The following DACH1 variants were observed in gnomAD, a reference collection of about 807,000 sequenced individuals.
The protein encoded by DACH1 is dachshund homolog 1.
Under a neutral mutation model 54.2 loss-of-function variants are expected in DACH1, and 12 were observed. The observed-to-expected ratio is 0.22, with a 90% CI of 0.14 to 0.36. The LOEUF (loss-of-function observed/expected upper bound fraction) is 0.36. DACH1 is among the 10% of genes least tolerant of loss of function. The pLI is 1.00. For missense variants in DACH1, 805 were observed against 929.8 expected (o/e 0.87, Z 1.75); for synonymous variants, 386 against 366.2 (o/e 1.05, Z -0.62).
intron 6 of DACH1, among the ~76,000 whole-genome samples, chr13:71,505,807 T>C (rs1880270800): frequency 6.6e-6 from 1 of 152,190 alleles, no homozygotes; most frequent in Non-Finnish European, 1.5e-5. Context: ...TTCTATATTC[T>C]AGTACTTTCC....
intron 6 of DACH1, among the ~76,000 whole-genome samples, chr13:71,520,273 A>C (rs1439020697): frequency 6.6e-6 from 1 of 151,664 alleles, no homozygotes; most frequent in Non-Finnish European, 1.5e-5. Flanking sequence ...AATTAGGTGT[A>C]ATAATGCCAT....
rs1030444904 is a variant in DACH1, at chr13:71,526,960, T to C, written c.1570+30064A>G. Among the ~76,000 whole-genome samples the C allele has an allele frequency of 2.0e-5, 3 of 151,736 alleles. No individual in the cohort carries two copies. In the East Asian group the frequency reaches 5.8e-4, roughly 29 times the overall value. ...GAAAGCTTAAACTTTGTATATTATA[T>C]TCATTTGGAATTATTTCTGTTATTA... On this transcript the variant is annotated intron_variant, in intron 6 of 10. Transcript: ENST00000613252.
chr13:71,455,812 G>T (rs1396776135), intron 10 of DACH1, among the ~76,000 whole-genome samples: 1 of 152,070 alleles, frequency 6.6e-6, no homozygotes, highest in Middle Eastern at 3.2e-3. Context: ...AATTGGCTGA[G>T]ATCTATTTCA....
intron 1 of DACH1, among the ~76,000 whole-genome samples, chr13:71,688,929 A>C (rs940624824): frequency 6.6e-6 from 1 of 152,166 alleles, no homozygotes; most frequent in African/African-American, 2.4e-5. Context: ...GAAGTTTTTA[A>C]TTTTGTTTAC....
chr13:71,673,718 C>A (rs531202305), intron 2 of DACH1, among the ~76,000 whole-genome samples: 14 of 152,066 alleles, frequency 9.2e-5, no homozygotes, highest in Admixed American at 2.0e-4. Flanking sequence ...ATGTAACAAA[C>A]CGGCACGTTC....
At chr13:71,543,469 CTT>C (rs1237940765) in intron 6 of DACH1, among the ~76,000 whole-genome samples, 1 of 151,976 alleles carries the variant, frequency 6.6e-6, no homozygotes, top group East Asian at 1.9e-4. Context: ...TCAAAAAACT[CTT>C]GATTCGCATA....
chr13:71,584,544 A>G (rs572697263), intron 3 of DACH1, among the ~76,000 whole-genome samples: 1 of 152,210 alleles, frequency 6.6e-6, no homozygotes, highest in East Asian at 1.9e-4. Flanking sequence ...AATCTAATTA[A>G]CTCACAAAAG....
chr13:71,578,519 G>C (rs907900608), intron 3 of DACH1, among the ~76,000 whole-genome samples: 1 of 152,104 alleles, frequency 6.6e-6, no homozygotes, highest in African/African-American at 2.4e-5. Flanking sequence ...CTACTATTTT[G>C]CATGAGTTGC....
intron 1 of DACH1, among the ~76,000 whole-genome samples, chr13:71,748,862 CT>C (rs1182815245): frequency 2.9e-3 from 68 of 23,082 alleles, no homozygotes; most frequent in African/African-American, 5.7e-3. Flanking sequence ...TTCTTTCTTT[CT>C]TTCTTTCTTT....
chr13:71,643,702 C>A (rs575966840), intron 2 of DACH1, among the ~76,000 whole-genome samples: 1 of 152,252 alleles, frequency 6.6e-6, no homozygotes, highest in African/African-American at 2.4e-5. Context: ...ACCTTTATTG[C>A]CTCAGGCATT....
At chr13:71,652,094 A>C (rs1233120194) in intron 2 of DACH1, among the ~76,000 whole-genome samples, 1 of 152,172 alleles carries the variant, frequency 6.6e-6, no homozygotes, top group Non-Finnish European at 1.5e-5. Flanking sequence ...ATAGGTACCT[A>C]ATAAATGCAA....
chr13:71,819,294 A>G (rs1199827847), intron 1 of DACH1, among the ~76,000 whole-genome samples: 3 of 152,252 alleles, frequency 2.0e-5, no homozygotes, highest in African/African-American at 7.2e-5. Context: ...GGCACTTTGC[A>G]TAGAATGAAC....
rs150515535 is a variant in DACH1, at chr13:71,848,074, C to T, written c.848+17848G>A. 3.8e-3 allele frequency among the ~76,000 whole-genome samples: 584 copies of T among 152,158 alleles called. 5 individuals are homozygous for T. The highest frequency in any genetic ancestry group is 0.014 in the African/African-American group (562 of 41,508). ...ATTTAGTTTAAGAAAATTCTGGAGACTTAGCCATCATAGAATGCTCTGGCC... is the reference window on the plus strand; with the variant it reads ...ATTTAGTTTAAGAAAATTCTGGAGATTTAGCCATCATAGAATGCTCTGGCC... On this transcript the variant is annotated intron_variant, in intron 1 of 10. Coordinates refer to ENST00000613252, the MANE Select transcript of DACH1 (RefSeq NM_080759.6).
At chr13:71,794,519 A>C (rs1394678048) in intron 1 of DACH1, among the ~76,000 whole-genome samples, 2 of 152,010 alleles carry the variant, frequency 1.3e-5, no homozygotes, top group African/African-American at 4.8e-5. Flanking sequence ...GCTCACTGCA[A>C]CCTCCACCTC....
At chr13:71,516,668 C>A (rs1312596597) in intron 6 of DACH1, among the ~76,000 whole-genome samples, 2 of 151,836 alleles carry the variant, frequency 1.3e-5, no homozygotes, top group Admixed American at 1.3e-4. Flanking sequence ...CTGTGATCAA[C>A]ATTGTACTAA....
intron 3 of DACH1, among the ~76,000 whole-genome samples, chr13:71,591,558 T>C (rs528381586): frequency 5.3e-5 from 8 of 152,314 alleles, no homozygotes; most frequent in African/African-American, 1.9e-4. Flanking sequence ...CATCCACTTC[T>C]GCATTCACCC....
intron 2 of DACH1, among the ~76,000 whole-genome samples, chr13:71,660,772 C>T (rs1321047094): frequency 5.9e-5 from 9 of 151,758 alleles, no homozygotes; most frequent in African/African-American, 1.9e-4. Flanking sequence ...TTATAGTTAA[C>T]TCCTTCAGTT....
rs1270198622 is a variant in DACH1, at chr13:71,578,815, G to C, written c.1127-5803C>G. ...ATTGCAAAATAATGTCCGCAGAGTA[G>C]GTCAGCACATTTATCATGTTTGATT... On this transcript the variant is annotated intron_variant, in intron 3 of 10. Transcript: ENST00000613252. 2.6e-5 allele frequency among the ~76,000 whole-genome samples: 4 copies of C among 152,192 alleles called. No homozygotes were observed. The East Asian group carries it at 7.7e-4, about 29-fold the overall frequency.
At chr13:71,607,625 A>G (rs573206867) in intron 3 of DACH1, among the ~76,000 whole-genome samples, 18 of 152,136 alleles carry the variant, frequency 1.2e-4, no homozygotes, top group African/African-American at 4.1e-4. Flanking sequence ...CCAGTGTGAT[A>G]GTAGTCTTTG....
Sources: allele counts gnomAD v4.1 joint callset (sites outside exome capture counted in the v4.1 genomes callset), GRCh38; gene constraint gnomAD v4.1.1; transcripts MANE v1.5; gene names NCBI Gene and HGNC (gene_info 2026-07-23, HGNC 2026-07-21).